Variants in ELMO1 observed in about 807,000 individuals in gnomAD.
ELMO1 encodes the protein engulfment and cell motility protein 1.
ELMO1 carries 26 observed loss-of-function variants against 98.9 expected under a neutral mutation model. That is an observed-to-expected ratio of 0.26 (90% CI 0.19 to 0.36). ELMO1 has a LOEUF of 0.36. Ranked by LOEUF, ELMO1 falls within the 10% of genes least tolerant of loss-of-function variation. The pLI is 1.00. For missense variants in ELMO1, 627 were observed against 935.2 expected, an observed-to-expected ratio of 0.67 and a Z score of 4.30; for synonymous variants, 346 against 346.0, an observed-to-expected ratio of 1.00 and a Z score of 0.00.
At chr7:36,887,756 G>A (rs913660658) in intron 17 of ELMO1, 84 bp from the exon 18 acceptor site, 2 of 1,217,256 alleles carry the variant, frequency 1.6e-6, no homozygotes, top group Non-Finnish European at 2.4e-6. Flanking sequence ...TACGGGCAGG[G>A]GAGAACAAGT....
chr7:37,164,262 G>A, intron 13 of ELMO1, among the ~76,000 whole-genome samples: 1 of 152,138 alleles, frequency 6.6e-6, no homozygotes, highest in East Asian at 1.9e-4. Context: ...AGTAGGTTGT[G>A]AAAATTTTCT....
intron 2 of ELMO1, among the ~76,000 whole-genome samples, chr7:37,338,752 C>T (rs1583581949): frequency 6.6e-6 from 1 of 152,112 alleles, no homozygotes; most frequent in South Asian, 2.1e-4. Flanking sequence ...CATCCTCAAG[C>T]GGCTCCCCGG....
At chr7:36,994,326 A>G (rs185341649) in intron 16 of ELMO1, among the ~76,000 whole-genome samples, 57 of 152,254 alleles carry the variant, frequency 3.7e-4, no homozygotes, top group African/African-American at 1.3e-3. Context: ...TTCTTTCCAT[A>G]CAATATATGT....
At chr7:37,034,002 A>T (rs1795035420) in intron 15 of ELMO1, among the ~76,000 whole-genome samples, 4 of 152,268 alleles carry the variant, frequency 2.6e-5, no homozygotes, top group Admixed American at 6.5e-5. Flanking sequence ...TTGTATTCCC[A>T]TGTACAAATC....
intron 13 of ELMO1, among the ~76,000 whole-genome samples, chr7:37,202,798 A>C (rs1792370227): frequency 6.6e-6 from 1 of 152,180 alleles, no homozygotes; most frequent in Non-Finnish European, 1.5e-5. Context: ...CAGGAAAAAA[A>C]TGAGCCACCT....
intron 1 of ELMO1, among the ~76,000 whole-genome samples, chr7:37,377,948 A>T (rs1167689736): frequency 6.6e-6 from 1 of 152,238 alleles, no homozygotes; most frequent in African/African-American, 2.4e-5. Context: ...GTACTTCAGC[A>T]TATGGAAATC....
chr7:36,988,496 A>G (rs1341281525), intron 16 of ELMO1, among the ~76,000 whole-genome samples: 1 of 152,204 alleles, frequency 6.6e-6, no homozygotes, highest in East Asian at 1.9e-4. Context: ...CTGCCTTACA[A>G]CCTGCAGACT....
intron 10 of ELMO1, among the ~76,000 whole-genome samples, chr7:37,217,155 T>C (rs909833383): frequency 2.6e-5 from 4 of 152,194 alleles, no homozygotes; most frequent in Non-Finnish European, 5.9e-5. Flanking sequence ...GTAATACATA[T>C]ACCAGGCTAC....
intron 15 of ELMO1, among the ~76,000 whole-genome samples, chr7:37,051,912 C>CT (rs928702442): frequency 6.6e-6 from 1 of 152,202 alleles, no homozygotes. Context: ...GGTCAGAAGA[C>CT]TTTTTTTGTC....
At chr7:37,073,492 C>T (rs1220731915) in intron 15 of ELMO1, among the ~76,000 whole-genome samples, 1 of 152,058 alleles carries the variant, frequency 6.6e-6, no homozygotes, top group East Asian at 1.9e-4. Flanking sequence ...TAATTTTCTC[C>T]TTTAAATATC....
intron 4 of ELMO1, among the ~76,000 whole-genome samples, chr7:37,314,513 A>G (rs1364898472): frequency 8.1e-4 from 1 of 1,236 alleles, no homozygotes; most frequent in Non-Finnish European, 2.5e-3. Context: ...GTTAGAGGCT[A>G]CTTTGAAAAA....
chr7:37,426,019 T>C (rs1039977077), intron 1 of ELMO1, among the ~76,000 whole-genome samples: 4 of 151,992 alleles, frequency 2.6e-5, no homozygotes, highest in African/African-American at 9.7e-5. Flanking sequence ...CTCAGGGAGC[T>C]AAGATGGACA....
At chr7:37,350,028 C>T (rs1801186684) in intron 1 of ELMO1, among the ~76,000 whole-genome samples, 1 of 151,974 alleles carries the variant, frequency 6.6e-6, no homozygotes, top group Non-Finnish European at 1.5e-5. Context: ...GTGGTGGGCA[C>T]ATGTCCCCCC....
intron 15 of ELMO1, among the ~76,000 whole-genome samples, chr7:37,064,725 T>C (rs1796864919): frequency 6.6e-6 from 1 of 152,150 alleles, no homozygotes; most frequent in African/African-American, 2.4e-5. Context: ...AATCTCCCCG[T>C]AAGTACTCAG....
intron 16 of ELMO1, among the ~76,000 whole-genome samples, chr7:36,982,101 T>C (rs757144397): frequency 2.0e-5 from 3 of 152,228 alleles, no homozygotes; most frequent in Non-Finnish European, 4.4e-5. Context: ...TATTTAATTT[T>C]AGCTCATTTA....
intron 5 of ELMO1, among the ~76,000 whole-genome samples, chr7:37,262,056 A>C (rs1400756503): frequency 6.6e-6 from 1 of 152,236 alleles, no homozygotes; most frequent in Non-Finnish European, 1.5e-5. Context: ...AAAGTCAATA[A>C]TGTGGAAGCT....
chr7:37,192,761 G>A (rs753993727), intron 13 of ELMO1, among the ~76,000 whole-genome samples: 31 of 136,204 alleles, frequency 2.3e-4, no homozygotes, highest in African/African-American at 5.3e-4. Context: ...TTGCACCACC[G>A]CACTCCAGCC....
At chr7:37,188,134 G>T (rs1029790882) in intron 13 of ELMO1, among the ~76,000 whole-genome samples, 23 of 152,010 alleles carry the variant, frequency 1.5e-4, no homozygotes, top group African/African-American at 5.6e-4. Context: ...ACATCTTCTT[G>T]ATCTCTAATA....
chr7:36,989,908 A>G (rs1791759184), intron 16 of ELMO1, among the ~76,000 whole-genome samples: 1 of 152,222 alleles, frequency 6.6e-6, no homozygotes, highest in Admixed American at 6.5e-5. Context: ...TTTTATCCTG[A>G]AAAACTCATT....
Sources: gnomAD v4.1 joint callset for allele counts (sites outside exome capture counted in the v4.1 genomes callset) on GRCh38, gnomAD v4.1.1 for gene constraint, MANE v1.5 for transcripts, NCBI Gene and HGNC (gene_info 2026-07-23, HGNC 2026-07-21) for gene names.